The following FREM1 variants were observed in gnomAD, a reference collection of about 807,000 sequenced individuals.
FREM1 encodes the protein FRAS1-related extracellular matrix protein 1.
FREM1 carries 220 observed loss-of-function variants against 210.1 expected under a neutral mutation model. The ratio of observed to expected loss-of-function variants is 1.05; its 90% CI spans 0.94 to 1.17. The LOEUF (loss-of-function observed/expected upper bound fraction) is 1.17. Among genes scored for constraint, FREM1 ranks in the 50% most tolerant of loss-of-function variants. FREM1 has a pLI of 0.00. For synonymous variants in FREM1, 1,189 were observed against 980.2 expected (o/e 1.21, Z -3.98); for missense variants, 3,454 against 2,675.5 (o/e 1.29, Z -6.42).
At chr9:14,799,427 A>G (rs901641807) in intron 20 of FREM1, among the ~76,000 whole-genome samples, 4 of 152,200 alleles carry the variant, frequency 2.6e-5, no homozygotes, top group Non-Finnish European at 5.9e-5. Flanking sequence ...CCACAGATAA[A>G]ATAGAGGTGA....
intron 26 of FREM1, among the ~76,000 whole-genome samples, chr9:14,770,102 GAGA>G (rs200796902): frequency 0.025 from 3,755 of 152,188 alleles, 64 homozygotes; most frequent in Non-Finnish European, 0.038. Context: ...TGAAAATAAA[GAGA>G]AGGAGAGTAG....
intron 1 of FREM1, among the ~76,000 whole-genome samples, chr9:14,878,340 C>A (rs534110227): frequency 7.9e-5 from 12 of 152,146 alleles, no homozygotes; most frequent in East Asian, 1.9e-4. Context: ...CTCTCTCCCC[C>A]ACTAAAGCCT....
chr9:14,803,478 G>A (rs1817743262), intron 19 of FREM1, among the ~76,000 whole-genome samples: 1 of 151,700 alleles, frequency 6.6e-6, no homozygotes, highest in African/African-American at 2.4e-5. Context: ...TCCCACCTCA[G>A]CCCCCAAGTA....
chr9:14,817,902 T>C (rs1378116574), intron 14 of FREM1, among the ~76,000 whole-genome samples: 1 of 152,184 alleles, frequency 6.6e-6, no homozygotes, highest in African/African-American at 2.4e-5. Flanking sequence ...TGGTGAGTGA[T>C]AATTCTTTTT....
chr9:14,868,314 A>G (rs9298708), intron 2 of FREM1, among the ~76,000 whole-genome samples: 13,453 of 152,200 alleles, frequency 0.088, 1,806 homozygotes, highest in African/African-American at 0.29. Flanking sequence ...TTTTTCCTGT[A>G]TAATTAGCTA....
chr9:14,869,267 G>C (rs972402257), intron 1 of FREM1, 23 bp from the exon 2 acceptor site: 13 of 337,654 alleles, frequency 3.9e-5, no homozygotes, highest in Non-Finnish European at 7.1e-5. Flanking sequence ...GAAGGGGTTG[G>C]AGTAAAGCGA....
chr9:14,893,858 G>C (rs114944916), intron 1 of FREM1, among the ~76,000 whole-genome samples: 1 of 152,300 alleles, frequency 6.6e-6, no homozygotes, highest in African/African-American at 2.4e-5. Flanking sequence ...AATTGTAAAA[G>C]AGATTGTGTG....
chr9:14,860,966 CATATATACAT>C lies in FREM1; in HGVS notation c.330-1492_330-1483del, dbSNP rs1179043757. On this transcript the variant is annotated intron_variant, in intron 3 of 36. Coordinates refer to ENST00000380880, the MANE Select transcript of FREM1 (RefSeq NM_001379081.2). ...ATATACACATATACACATATATACACATATATACATATATACACATATATACATATATATA... is the reference window on the plus strand; with the variant it reads ...ATATACACATATACACATATATACACATATACACATATATACATATATATA... Among the ~76,000 whole-genome samples, 601 of 88,044 alleles carry C rather than the reference CATATATACAT, an allele frequency of 6.8e-3. 160 individuals carry two copies. Among genetic ancestry groups the C allele is most frequent in the African/African-American group, 0.023 (552 of 24,202 alleles). 57.8% of individuals were successfully genotyped at this position (88,044 alleles called of 152,430 possible).
At chr9:14,764,740 T>C (rs1477524824) in intron 27 of FREM1, among the ~76,000 whole-genome samples, 1 of 152,148 alleles carries the variant, frequency 6.6e-6, no homozygotes, top group African/African-American at 2.4e-5. Context: ...ATAGTGCCAA[T>C]GTTGAGACAC....
chr9:14,879,214 G>T lies in FREM1; in HGVS notation c.-267-9970C>A, dbSNP rs141594166. ...GCGGGCACCATTAGCCATGGATCAAGATGCCACGTGAATTCCGTTACTGAG... is the reference window on the plus strand; with the variant it reads ...GCGGGCACCATTAGCCATGGATCAATATGCCACGTGAATTCCGTTACTGAG... On this transcript the variant is annotated intron_variant, in intron 1 of 36. Coordinates refer to ENST00000380880, the MANE Select transcript of FREM1 (RefSeq NM_001379081.2). Among the ~76,000 whole-genome samples, 831 of 150,556 alleles carry T rather than the reference G, an allele frequency of 5.5e-3. 6 individuals are homozygous for T. Among genetic ancestry groups the T allele is most frequent in the African/African-American group, 0.019 (780 of 40,916 alleles).
At chr9:14,862,043 T>G (rs898763356) in intron 3 of FREM1, among the ~76,000 whole-genome samples, 1 of 152,234 alleles carries the variant, frequency 6.6e-6, no homozygotes, top group Non-Finnish European at 1.5e-5. Context: ...CTCTAAAGTC[T>G]TAGAAAGATC....
chr9:14,778,380 G>C (rs978464615), intron 24 of FREM1, among the ~76,000 whole-genome samples: 6 of 151,632 alleles, frequency 4.0e-5, no homozygotes, highest in African/African-American at 1.5e-4. Context: ...GCTGGCCAAG[G>C]CGGGCAGATG....
intron 8 of FREM1, among the ~76,000 whole-genome samples, chr9:14,842,900 A>G (rs947186003): frequency 1.3e-5 from 2 of 152,232 alleles, no homozygotes; most frequent in South Asian, 2.1e-4. Context: ...AAACTCATCT[A>G]TAAAACATGG....
chr9:14,820,818 G>C (rs904208354), intron 13 of FREM1, among the ~76,000 whole-genome samples: 2 of 152,184 alleles, frequency 1.3e-5, no homozygotes, highest in African/African-American at 4.8e-5. Flanking sequence ...TTCACTGTTT[G>C]TAGGAGAAAG....
At chr9:14,903,048 C>T (rs537785357) in intron 1 of FREM1, among the ~76,000 whole-genome samples, 1 of 152,314 alleles carries the variant, frequency 6.6e-6, no homozygotes, top group East Asian at 1.9e-4. Flanking sequence ...AAATCACCCT[C>T]GAGTGACATT....
At chr9:14,793,036 G>T (rs1851699713) in intron 21 of FREM1, among the ~76,000 whole-genome samples, 152 bp from the exon 22 acceptor site, 1 of 152,238 alleles carries the variant, frequency 6.6e-6, no homozygotes, top group Non-Finnish European at 1.5e-5. Context: ...TGAGAGGAAT[G>T]AAACAGGCTC....
At chr9:14,755,455 G>C (rs1451777829) in intron 29 of FREM1, among the ~76,000 whole-genome samples, 1 of 152,134 alleles carries the variant, frequency 6.6e-6, no homozygotes, top group African/African-American at 2.4e-5. Flanking sequence ...CCACAGTCCT[G>C]TCTGCTTCTC....
chr9:14,860,692 TACAC>T (rs201882157), intron 3 of FREM1, among the ~76,000 whole-genome samples: 1 of 122,050 alleles, frequency 8.2e-6, no homozygotes, highest in South Asian at 2.4e-4. Context: ...TACACATATA[TACAC>T]ACATATATAC....
chr9:14,756,531 A>G lies in FREM1; in HGVS notation c.5335-85T>C. 6 of 917,852 alleles carry G rather than the reference A, an allele frequency of 6.5e-6. No individual in the cohort carries two copies. The South Asian group carries it at 9.7e-5, about 15-fold the overall frequency. The allele number at this position is 917,852 out of a possible 1,614,324, so 56.9% of individuals were successfully genotyped here. A position where few individuals can be genotyped will look rare whatever the true frequency, so the allele number is the denominator to read the frequency against. Reference sequence around the variant, plus strand: ...AGCTATTCTCCCTCATACTGGACTAAACTCATGCTCTTAAATCTGTTTTTA... The same window carrying G: ...AGCTATTCTCCCTCATACTGGACTAGACTCATGCTCTTAAATCTGTTTTTA... On this transcript the variant is annotated intron_variant, in intron 28 of 36. Transcript: ENST00000380880.
Sources: gnomAD v4.1 joint callset for allele counts (sites outside exome capture counted in the v4.1 genomes callset) on GRCh38, gnomAD v4.1.1 for gene constraint, MANE v1.5 for transcripts, NCBI Gene and HGNC (gene_info 2026-07-23, HGNC 2026-07-21) for gene names.